The following ANKS1B variants were observed in gnomAD, a reference collection of about 807,000 sequenced individuals.
The protein encoded by ANKS1B is ankyrin repeat and sterile alpha motif domain-containing protein 1B.
A neutral mutation model predicts 148.3 loss-of-function variants in ANKS1B; 36 were observed. That is an observed-to-expected ratio of 0.24 (90% CI 0.19 to 0.32). ANKS1B has a LOEUF of 0.32. Ranked by LOEUF, ANKS1B falls within the 10% of genes least tolerant of loss-of-function variation. The probability of loss-of-function intolerance (pLI) is 1.00; values close to 1 mark genes in which losing one functional copy is unlikely to be tolerated. For missense variants in ANKS1B, 1,157 were observed against 1,542.6 expected (o/e 0.75, Z 4.19); for synonymous variants, 542 against 560.8 (o/e 0.97, Z 0.47).
At chr12:99,140,938 T>C (rs2153795525) in intron 15 of ANKS1B, among the ~76,000 whole-genome samples, 1 of 152,184 alleles carries the variant, frequency 6.6e-6, no homozygotes, top group Non-Finnish European at 1.5e-5. Flanking sequence ...ACAGAAACCA[T>C]CAGAAGAAAC....
intron 17 of ANKS1B, among the ~76,000 whole-genome samples, chr12:98,955,661 C>CA (rs1342855459): frequency 1.3e-5 from 2 of 152,078 alleles, no homozygotes; most frequent in Admixed American, 1.3e-4. Flanking sequence ...TTGAATTTGG[C>CA]ATATGAGAGA....
intron 17 of ANKS1B, among the ~76,000 whole-genome samples, chr12:98,926,085 A>G (rs1338891093): frequency 6.6e-6 from 1 of 152,152 alleles, no homozygotes; most frequent in Non-Finnish European, 1.5e-5. Flanking sequence ...AAAAGACCTG[A>G]GAAGCCCCTA....
chr12:99,720,411 C>G (rs2153553871), intron 8 of ANKS1B, among the ~76,000 whole-genome samples: 1 of 152,290 alleles, frequency 6.6e-6, no homozygotes, highest in Admixed American at 6.5e-5. Context: ...TCAGTTTAGC[C>G]TTCCCACCTC....
intron 17 of ANKS1B, among the ~76,000 whole-genome samples, chr12:98,878,608 A>G (rs2099698111): frequency 6.6e-6 from 1 of 152,174 alleles, no homozygotes; most frequent in Non-Finnish European, 1.5e-5. Context: ...CGTGTGGGGA[A>G]GATGGGAGGA....
At chr12:98,885,837 G>C (rs568557895) in intron 17 of ANKS1B, among the ~76,000 whole-genome samples, 1 of 152,154 alleles carries the variant, frequency 6.6e-6, no homozygotes, top group Non-Finnish European at 1.5e-5. Context: ...AAAGTGGATA[G>C]ATCCAAGCAA....
At chr12:99,910,971 C>T (rs939683770) in intron 1 of ANKS1B, among the ~76,000 whole-genome samples, 131 of 152,242 alleles carry the variant, frequency 8.6e-4, no homozygotes, top group Middle Eastern at 3.4e-3. Flanking sequence ...GCTAAAAATA[C>T]GTAATCTTAT....
At chr12:99,736,742 AAC>A (rs2059650505) in intron 8 of ANKS1B, among the ~76,000 whole-genome samples, 1 of 152,128 alleles carries the variant, frequency 6.6e-6, no homozygotes, top group Non-Finnish European at 1.5e-5. Context: ...GGAAACAATC[AAC>A]AGAGTGGAGA....
chr12:99,287,207 A>G (rs2079254679), intron 12 of ANKS1B, among the ~76,000 whole-genome samples: 1 of 152,144 alleles, frequency 6.6e-6, no homozygotes, highest in African/African-American at 2.4e-5. Context: ...CAGCATGCAG[A>G]GAGAGACTCC....
At chr12:99,553,065 A>G (rs553669518) in intron 9 of ANKS1B, among the ~76,000 whole-genome samples, 1 of 152,340 alleles carries the variant, frequency 6.6e-6, no homozygotes, top group South Asian at 2.1e-4. Flanking sequence ...ATTTGTCATC[A>G]TTTAAAGTTA....
intron 17 of ANKS1B, among the ~76,000 whole-genome samples, chr12:98,868,931 A>G (rs1245406320): frequency 2.0e-5 from 3 of 152,224 alleles, no homozygotes; most frequent in Non-Finnish European, 4.4e-5. Flanking sequence ...CTATCTCCTC[A>G]AGAGTCCTTT....
chr12:99,115,672 T>G (rs528405619), intron 15 of ANKS1B, among the ~76,000 whole-genome samples: 2 of 152,222 alleles, frequency 1.3e-5, no homozygotes, highest in African/African-American at 2.4e-5. Context: ...GGCTCACACC[T>G]GTAATCCCAG....
At position 99,504,554 on chromosome 12, in the gene ANKS1B, G is replaced by A; in HGVS notation, c.1360C>T (p.Leu454=). ...ACAGCTGTGTCCATGAGATCACACA[G>A]AAAGTTCTCATTTTCTGAAGGAAAT... ...DTFPSENENF[L]CDLMDTAVTK... is the part of the protein sequence containing the mutation. The change falls in exon 10 of 27, where the codon CTG becomes TTG. Residue 454 remains leucine, a synonymous_variant. Transcript: ENST00000683438. The A allele has an allele frequency of 6.2e-7, 1 of 1,612,960 alleles. No homozygotes were observed. Among genetic ancestry groups the A allele is most frequent in the South Asian group, 1.1e-5 (1 of 90,954 alleles).
chr12:99,217,846 C>T (rs1158414733), intron 14 of ANKS1B, among the ~76,000 whole-genome samples: 2 of 152,076 alleles, frequency 1.3e-5, no homozygotes, highest in Admixed American at 1.3e-4. Context: ...GTATTATTCC[C>T]CTTATACAGA....
intron 8 of ANKS1B, among the ~76,000 whole-genome samples, chr12:99,665,402 C>T (rs534688907): frequency 1.7e-4 from 26 of 152,084 alleles, no homozygotes; most frequent in Non-Finnish European, 3.2e-4. Flanking sequence ...TACTAATGTG[C>T]TAAATATCTT....
chr12:98,806,149 A>G (rs935686068), intron 20 of ANKS1B, among the ~76,000 whole-genome samples: 1 of 152,240 alleles, frequency 6.6e-6, no homozygotes, highest in Non-Finnish European at 1.5e-5. Flanking sequence ...TGGGAATTAC[A>G]GGCATGAGAC....
intron 1 of ANKS1B, among the ~76,000 whole-genome samples, chr12:99,915,225 CAAAAAAA>C: frequency 9.8e-6 from 1 of 101,636 alleles, no homozygotes. Flanking sequence ...AAAGCTGTCT[CAAAAAAA>C]AAAAAAAAAA....
intron 19 of ANKS1B, among the ~76,000 whole-genome samples, chr12:98,821,427 A>C (rs4762514): frequency 0.3 from 45,300 of 151,970 alleles, 7,031 homozygotes; most frequent in Middle Eastern, 0.39. Flanking sequence ...CTCAGTCCAC[A>C]TTGTTCACAT....
intron 14 of ANKS1B, among the ~76,000 whole-genome samples, chr12:99,238,071 G>C (rs1844966): frequency 0.2 from 30,750 of 152,242 alleles, 3,370 homozygotes; most frequent in Middle Eastern, 0.3. Flanking sequence ...AGCCCACAGA[G>C]GGCGAGCTGA....
intron 12 of ANKS1B, among the ~76,000 whole-genome samples, chr12:99,353,763 C>T (rs2091692953): frequency 6.7e-6 from 1 of 149,296 alleles, no homozygotes; most frequent in Admixed American, 6.7e-5. Flanking sequence ...GCTTTCTTCT[C>T]TAGCTTCTAG....
Sources: gnomAD v4.1 joint callset for allele counts (sites outside exome capture counted in the v4.1 genomes callset) on GRCh38, gnomAD v4.1.1 for gene constraint, MANE v1.5 for transcripts, NCBI Gene and HGNC (gene_info 2026-07-23, HGNC 2026-07-21) for gene names.